RBFOX1: variants seen among roughly 807,000 people sequenced by gnomAD.
RBFOX1 encodes the protein RNA binding protein fox-1 homolog 1.
Under a neutral mutation model 57.7 loss-of-function variants are expected in RBFOX1, and 8 were observed. The observed-to-expected ratio is 0.14, with a 90% CI of 0.08 to 0.25. RBFOX1 has a LOEUF of 0.25. Among genes scored for constraint, RBFOX1 ranks in the 10% least tolerant of loss-of-function variants. The pLI is 1.00. For missense variants in RBFOX1, 611 were observed against 548.5 expected, an observed-to-expected ratio of 1.11 and a Z score of -1.14; for synonymous variants, 326 against 222.4, an observed-to-expected ratio of 1.47 and a Z score of -4.15.
chr16:7,004,234 A>G (rs963550173), intron 3 of RBFOX1: 1 of 152,292 alleles, frequency 6.6e-6, no homozygotes, highest in Middle Eastern at 3.4e-3. Context: ...TTTGAATCTT[A>G]TGCATAGAAG....
At chr16:7,007,135 A>G (rs1352106942) in intron 3 of RBFOX1, among the ~76,000 whole-genome samples, 9 of 152,168 alleles carry the variant, frequency 5.9e-5, no homozygotes, top group Admixed American at 5.9e-4. Context: ...GGAAGAGTCC[A>G]TTTTCAAACT....
intron 3 of RBFOX1, among the ~76,000 whole-genome samples, chr16:6,855,849 C>CCCTCCCGGTTTG (rs1567576532): frequency 6.7e-6 from 1 of 149,414 alleles, no homozygotes; most frequent in East Asian, 2.1e-4. Context: ...CTCCCTCTTT[C>CCCTCCCGGTTTG]CCTCCCTTCC....
intron 3 of RBFOX1, among the ~76,000 whole-genome samples, chr16:5,733,494 C>T (rs775820244): frequency 3.2e-4 from 48 of 152,118 alleles, no homozygotes; most frequent in Non-Finnish European, 4.9e-4. Context: ...GGAGTAGCTG[C>T]CCTGGGCCGG....
At chr16:6,713,304 T>C (rs2064089733) in intron 3 of RBFOX1, among the ~76,000 whole-genome samples, 1 of 152,104 alleles carries the variant, frequency 6.6e-6, no homozygotes, top group East Asian at 1.9e-4. Context: ...CCCCCATTGC[T>C]CACAGGATAG....
At chr16:7,699,965 T>C (rs2080124409) in intron 14 of RBFOX1, among the ~76,000 whole-genome samples, 1 of 152,112 alleles carries the variant, frequency 6.6e-6, no homozygotes, top group African/African-American at 2.4e-5. Flanking sequence ...GTCAGTGTCT[T>C]GGTATTGGAT....
At chr16:6,317,770 G>C (rs920698947) in intron 2 of RBFOX1, among the ~76,000 whole-genome samples, 8 of 152,090 alleles carry the variant, frequency 5.3e-5, no homozygotes, top group African/African-American at 1.9e-4. Flanking sequence ...TCTGATGTCA[G>C]CCCTCCTCTG....
rs532741732 is a variant in RBFOX1 at position 5,539,407 on chromosome 16, A to G, written c.259-59495A>G. Reference sequence around the variant, plus strand: ...CCGGAATTGGAGACCAGCCTGGCCAACATGACAAAACCCTGTCTCTACTGA... The same window carrying G: ...CCGGAATTGGAGACCAGCCTGGCCAGCATGACAAAACCCTGTCTCTACTGA... On this transcript the variant is annotated intron_variant, in intron 2 of 2. Transcript: ENST00000585867. Among the ~76,000 whole-genome samples, 3 of 152,216 alleles carry G rather than the reference A, an allele frequency of 2.0e-5. No individual in the cohort carries two copies. The South Asian group carries it at 6.2e-4, about 32-fold the overall frequency.
chr16:7,160,606 T>C (rs2078107502), intron 4 of RBFOX1, among the ~76,000 whole-genome samples: 1 of 152,194 alleles, frequency 6.6e-6, no homozygotes, highest in African/African-American at 2.4e-5. Context: ...CAAACAATTA[T>C]TTTATGGCTT....
intron 4 of RBFOX1, among the ~76,000 whole-genome samples, chr16:7,240,261 C>G (rs377706792): frequency 6.6e-6 from 1 of 152,144 alleles, no homozygotes; most frequent in Non-Finnish European, 1.5e-5. Context: ...GCCGATGCAT[C>G]CTGCCGAATC....
chr16:7,619,430 C>G, intron 10 of RBFOX1, among the ~76,000 whole-genome samples: 1 of 152,126 alleles, frequency 6.6e-6, no homozygotes, highest in East Asian at 1.9e-4. Context: ...CATCCAATCA[C>G]TCTTTGAGAG....
At chr16:6,828,832 T>A (rs2092450134) in intron 3 of RBFOX1, among the ~76,000 whole-genome samples, 2 of 152,098 alleles carry the variant, frequency 1.3e-5, no homozygotes, top group African/African-American at 4.8e-5. Context: ...TCTAAGAAAT[T>A]TCCACCCTTT....
intron 4 of RBFOX1, among the ~76,000 whole-genome samples, chr16:7,221,288 T>C (rs185435314): frequency 6.6e-6 from 1 of 152,190 alleles, no homozygotes; most frequent in Non-Finnish European, 1.5e-5. Flanking sequence ...GTGATTTGGC[T>C]AGATTATAAA....
At position 6,979,822 on chromosome 16, in the gene RBFOX1, G is replaced by A. The variant is rs373839644; in HGVS notation, c.-15-72235G>A. Among the ~76,000 whole-genome samples, 39 of 152,262 alleles carry A rather than the reference G, an allele frequency of 2.6e-4. No individual in the cohort carries two copies. In the East Asian group the frequency reaches 6.4e-3, roughly 25 times the overall value. ...TTTTCTCCTGCCTACAGAAATGCCAGATGCACTCAGGCTGGTGTTGGGCTC... is the reference window on the plus strand; with the variant it reads ...TTTTCTCCTGCCTACAGAAATGCCAAATGCACTCAGGCTGGTGTTGGGCTC... On this transcript the variant is annotated intron_variant, in intron 3 of 15. Transcript: ENST00000550418.
intron 1 of RBFOX1, among the ~76,000 whole-genome samples, chr16:6,258,192 A>G (rs2097680352): frequency 6.6e-6 from 1 of 152,174 alleles, no homozygotes; most frequent in Non-Finnish European, 1.5e-5. Context: ...TCAGTTCTTC[A>G]CTGCCAGCTG....
chr16:6,432,022 C>T (rs112310653), intron 2 of RBFOX1, among the ~76,000 whole-genome samples: 115 of 151,448 alleles, frequency 7.6e-4, no homozygotes, highest in African/African-American at 2.6e-3. Context: ...AGTGCCACTG[C>T]ACGACTATAG....
chr16:6,476,521 A>T (rs1293285381), intron 2 of RBFOX1, among the ~76,000 whole-genome samples: 3 of 152,208 alleles, frequency 2.0e-5, no homozygotes, highest in Non-Finnish European at 2.9e-5. Context: ...TATCTAAAAA[A>T]CGACGTGCAT....
At chr16:6,464,790 A>G (rs1384430770) in intron 2 of RBFOX1, among the ~76,000 whole-genome samples, 2 of 152,244 alleles carry the variant, frequency 1.3e-5, no homozygotes, top group Non-Finnish European at 1.5e-5. Flanking sequence ...ACTTGGCTGA[A>G]TGTATTTCAC....
intron 4 of RBFOX1, among the ~76,000 whole-genome samples, chr16:7,423,894 G>T (rs11640126): frequency 0.034 from 5,104 of 152,232 alleles, 141 homozygotes; most frequent in Admixed American, 0.051. Flanking sequence ...TTACCAGCCT[G>T]TCCATATGTC....
At chr16:6,920,920 G>C (rs1475856479) in intron 3 of RBFOX1, among the ~76,000 whole-genome samples, 1 of 152,186 alleles carries the variant, frequency 6.6e-6, no homozygotes. Flanking sequence ...TTGGACATAG[G>C]TTTTTGCAGG....
Sources: gnomAD v4.1 joint callset for allele counts (sites outside exome capture counted in the v4.1 genomes callset) on GRCh38, gnomAD v4.1.1 for gene constraint, MANE v1.5 for transcripts, NCBI Gene and HGNC (gene_info 2026-07-23, HGNC 2026-07-21) for gene names.